The following TTLL5 variants were observed in gnomAD, a reference collection of about 807,000 sequenced individuals.
TTLL5 encodes tubulin polyglutamylase TTLL5.
TTLL5 carries 132 observed loss-of-function variants against 168.4 expected under a neutral mutation model. That is an observed-to-expected ratio of 0.78 (90% confidence interval 0.68 to 0.91). The LOEUF (loss-of-function observed/expected upper bound fraction) is 0.91, where lower values mean the gene tolerates loss of function less well. Ranked by LOEUF, TTLL5 falls within the 40% of genes least tolerant of loss-of-function variation. The pLI, the probability that TTLL5 is intolerant of heterozygous loss-of-function variation, is 0.00. For missense variants in TTLL5, 1,545 were observed against 1,581.5 expected (o/e 0.98, Z 0.39); for synonymous variants, 546 against 558.6 (o/e 0.98, Z 0.32).
intron 28 of TTLL5, among the ~76,000 whole-genome samples, chr14:75,825,278 G>T (rs996669129): frequency 6.6e-6 from 1 of 152,122 alleles, no homozygotes; most frequent in Non-Finnish European, 1.5e-5. Flanking sequence ...ACTTAGTTTA[G>T]TACCTAGTTT....
chr14:75,925,674 C>G (rs550316759), intron 31 of TTLL5, among the ~76,000 whole-genome samples: 2 of 152,158 alleles, frequency 1.3e-5, no homozygotes, highest in East Asian at 3.9e-4. Flanking sequence ...GCTGCAATCT[C>G]GGCACTTTGG....
chr14:75,661,593 G>C (rs1890730464), intron 1 of TTLL5: 1 of 152,354 alleles, frequency 6.6e-6, no homozygotes, highest in Non-Finnish European at 1.5e-5. Context: ...TGAGCTGGGG[G>C]TGGGGCTGAG....
Position 75,683,543 on chromosome 14 carries a change from C to T in TTLL5, c.265-7C>T. On this transcript the variant is annotated splice_region_variant and splice_polypyrimidine_tract_variant and intron_variant, in intron 4 of 31. Coordinates refer to ENST00000298832, the MANE Select transcript of TTLL5 (RefSeq NM_015072.5). ...TTTTGCCTTCTTGTCTTTCTGTCTG[C>T]CCTCAGGTTCACCCAAGCAGCACTG... 1 of 1,609,588 alleles carries T rather than the reference C, an allele frequency of 6.2e-7. No homozygotes were observed. Among genetic ancestry groups the T allele is most frequent in the Non-Finnish European group, 8.5e-7 (1 of 1,176,376 alleles).
rs1352290245 is a variant in TTLL5, at chr14:75,775,595, C to T, written c.2248C>T (p.His750Tyr). 2 of 1,614,090 alleles carry T rather than the reference C, an allele frequency of 1.2e-6. No individual in the cohort carries two copies. Among genetic ancestry groups the T allele is most frequent in the Non-Finnish European group, 1.7e-6 (2 of 1,179,984 alleles). Residue 750 changes from histidine (H) to tyrosine (Y), a missense_variant, in exon 22 of 32, where the codon CAC (histidine) becomes TAC (tyrosine). By Grantham distance (83) the His-to-Tyr change is moderately conservative. Transcript: ENST00000298832. Reference protein sequence around the residue: ...ALLERRRILAHQLGDFIIVYN... With the variant: ...ALLERRRILAYQLGDFIIVYN... ...TCTGGAACGCAGAAGAATCCTGGCC[C>T]ACCAGCTGGGTGACTTTATCATTGT...
intron 29 of TTLL5, among the ~76,000 whole-genome samples, chr14:75,869,320 G>A (rs995587945): frequency 6.6e-6 from 1 of 152,122 alleles, no homozygotes; most frequent in African/African-American, 2.4e-5. Context: ...GCATTCGGTT[G>A]TTTTGGAAAT....
chr14:75,892,335 A>C (rs1051207201), intron 30 of TTLL5, among the ~76,000 whole-genome samples: 3 of 152,218 alleles, frequency 2.0e-5, no homozygotes, highest in Non-Finnish European at 4.4e-5. Flanking sequence ...ATATACCAAA[A>C]TAAACGAGAA....
intron 27 of TTLL5, among the ~76,000 whole-genome samples, chr14:75,817,186 G>T (rs965536580): frequency 6.6e-6 from 1 of 151,292 alleles, no homozygotes; most frequent in Non-Finnish European, 1.5e-5. Flanking sequence ...CACCATGTTG[G>T]CCAGGATGGT....
At chr14:75,694,441 A>T (rs999468841) in intron 6 of TTLL5, among the ~76,000 whole-genome samples, 3 of 152,048 alleles carry the variant, frequency 2.0e-5, no homozygotes. Context: ...GGTTCAAGCA[A>T]TTCTTCTGCC....
chr14:75,923,675 A>T (rs1317201387), intron 31 of TTLL5, among the ~76,000 whole-genome samples: 1 of 152,218 alleles, frequency 6.6e-6, no homozygotes, highest in East Asian at 1.9e-4. Context: ...GCTAAGAAGA[A>T]TGTATATTCT....
rs187048505 is a variant in TTLL5 at position 75,913,878 on chromosome 14, G to T, written c.3823+11654G>T. On this transcript the variant is annotated intron_variant, in intron 31 of 31. Coordinates refer to ENST00000298832, the MANE Select transcript of TTLL5 (RefSeq NM_015072.5). ...AAAATACAAAAATTAGCTGGGCGTG[G>T]TGGCACACGTCTTTAGCACCAGCTA... Among the ~76,000 whole-genome samples, 1,191 of 151,454 alleles carry T rather than the reference G, an allele frequency of 7.9e-3. 5 individuals are homozygous for T. The highest frequency in any genetic ancestry group is 9.6e-3 in the Non-Finnish European group (650 of 67,854).
chr14:75,732,368 C>A lies in TTLL5; in HGVS notation c.1073C>A (p.Ser358Tyr), dbSNP rs1324684206. 1.5e-5 allele frequency: 24 copies of A among 1,613,710 alleles called. No individual in the cohort carries two copies. The highest frequency in any genetic ancestry group is 5.5e-5 in the South Asian group (5 of 91,066). Residue 358 changes from serine (S) to tyrosine (Y), a missense_variant, in exon 13 of 32, where the codon TCT becomes TAT. Ser to Tyr is a moderately radical substitution (Grantham distance 144). Coordinates refer to ENST00000298832, the MANE Select transcript of TTLL5 (RefSeq NM_015072.5). ...TATGGCTTTGACGTGCTCATAGATTCTACTCTGAAGCCATGGTTGTTGGAA... is the reference window on the plus strand; with the variant it reads ...TATGGCTTTGACGTGCTCATAGATTATACTCTGAAGCCATGGTTGTTGGAA... ...ELYGFDVLID[S>Y]TLKPWLLEVN...
chr14:75,770,178 C>CGAA (rs1555344206), intron 20 of TTLL5, among the ~76,000 whole-genome samples: 1 of 6,862 alleles, frequency 1.5e-4, no homozygotes, highest in African/African-American at 7.3e-4. Flanking sequence ...AACTCTGTCT[C>CGAA]GAAAAAAAAA....
chr14:75,723,951 G>T (rs552965429), intron 12 of TTLL5, among the ~76,000 whole-genome samples: 2 of 151,466 alleles, frequency 1.3e-5, no homozygotes, highest in South Asian at 4.2e-4. Flanking sequence ...ATATTTGTAT[G>T]AGTCTCTGCC....
At chr14:75,858,479 T>C (rs1897243992) in intron 28 of TTLL5, among the ~76,000 whole-genome samples, 1 of 152,238 alleles carries the variant, frequency 6.6e-6, no homozygotes, top group Admixed American at 6.5e-5. Flanking sequence ...TTCGGCTGCT[T>C]AGTATGTAAT....
At chr14:75,668,489 TC>T (rs1374382369) in intron 2 of TTLL5, among the ~76,000 whole-genome samples, 1 of 152,188 alleles carries the variant, frequency 6.6e-6, no homozygotes, top group African/African-American at 2.4e-5. Context: ...TTATTTCTCT[TC>T]CTACCTCCCT....
At chr14:75,926,390 TATG>T (rs2034071694) in intron 31 of TTLL5, among the ~76,000 whole-genome samples, 1 of 152,074 alleles carries the variant, frequency 6.6e-6, no homozygotes, top group Non-Finnish European at 1.5e-5. Context: ...ATCCTGTCAT[TATG>T]ATGTTAGCTG....
chr14:75,785,154 C>G (rs1162342863), intron 26 of TTLL5, among the ~76,000 whole-genome samples: 1 of 145,868 alleles, frequency 6.9e-6, no homozygotes, highest in African/African-American at 2.5e-5. Flanking sequence ...GTTGCCTAAT[C>G]AAGTGTCACA....
intron 27 of TTLL5, among the ~76,000 whole-genome samples, chr14:75,816,584 T>C (rs537469766): frequency 1.3e-3 from 198 of 152,356 alleles, no homozygotes; most frequent in African/African-American, 4.3e-3. Context: ...CCAGACGATA[T>C]CATTTATACT....
intron 12 of TTLL5, among the ~76,000 whole-genome samples, chr14:75,729,132 T>G (rs1421433872): frequency 1.3e-5 from 2 of 152,164 alleles, no homozygotes; most frequent in Non-Finnish European, 2.9e-5. Context: ...AAGGAAATAT[T>G]TCTTACTAAG....
Sources: allele counts gnomAD v4.1 joint callset (sites outside exome capture counted in the v4.1 genomes callset), GRCh38; gene constraint gnomAD v4.1.1; transcripts MANE v1.5; gene names NCBI Gene and HGNC (gene_info 2026-07-23, HGNC 2026-07-21).